Variants in OSBPL3 observed in about 807,000 individuals in gnomAD.
OSBPL3 encodes the protein oxysterol binding protein like 3.
Under a neutral mutation model 120.1 loss-of-function variants are expected in OSBPL3, and 65 were observed. The ratio of observed to expected loss-of-function variants is 0.54; its 90% confidence interval spans 0.44 to 0.67. The LOEUF (loss-of-function observed/expected upper bound fraction) is 0.67. OSBPL3 is among the 30% of genes least tolerant of loss of function. The pLI, the probability that OSBPL3 is intolerant of heterozygous loss-of-function variation, is 0.00. For missense variants in OSBPL3, 1,004 were observed against 1,082.1 expected (o/e 0.93, Z 1.01); for synonymous variants, 416 against 402.6 (o/e 1.03, Z -0.40).
intron 1 of OSBPL3, among the ~76,000 whole-genome samples, chr7:24,957,915 T>C (rs1251249614): frequency 6.6e-6 from 1 of 152,188 alleles, no homozygotes; most frequent in Non-Finnish European, 1.5e-5. Flanking sequence ...CACATTCTTT[T>C]TTCCATTTAA....
intron 12 of OSBPL3, 84 bp downstream of exon 12, chr7:24,848,985 C>A (rs1269304780): frequency 2.2e-6 from 2 of 912,254 alleles, no homozygotes; most frequent in East Asian, 4.9e-5. Context: ...TGAGGGGAAG[C>A]AGGGAGGTCG....
intron 1 of OSBPL3, among the ~76,000 whole-genome samples, chr7:24,931,516 GA>G (rs1811788010): frequency 6.6e-6 from 1 of 152,148 alleles, no homozygotes; most frequent in African/African-American, 2.4e-5. Context: ...GATGTGATGT[GA>G]AGCCATGAGC....
intron 1 of OSBPL3, among the ~76,000 whole-genome samples, chr7:24,943,570 G>A (rs538363717): frequency 5.3e-5 from 8 of 152,200 alleles, no homozygotes; most frequent in African/African-American, 1.2e-4. Flanking sequence ...GAAGAGTTCC[G>A]TTAAACTAGA....
chr7:24,879,894 A>G lies in OSBPL3; in HGVS notation c.97-7825T>C, dbSNP rs1042044318. Among the ~76,000 whole-genome samples, 1 of 152,236 alleles carries G rather than the reference A, an allele frequency of 6.6e-6. No individual in the cohort carries two copies. Among genetic ancestry groups the G allele is most frequent in the African/African-American group, 2.4e-5 (1 of 41,462 alleles). ...TTTAGGCCCCTCAGATATATTGGGA[A>G]GCCATTAATATTTGTTAAATATTCC... On this transcript the variant is annotated intron_variant, in intron 2 of 22. Coordinates refer to ENST00000313367, the MANE Select transcript of OSBPL3 (RefSeq NM_015550.4). The surrounding 1 kb of genome is among the most constrained non-coding windows in gnomAD (Gnocchi z 5.6).
Position 24,871,270 on chromosome 7 carries a change from G to C in OSBPL3, c.268-425C>G, listed in dbSNP as rs1562861666. On this transcript the variant is annotated intron_variant, in intron 4 of 22. Coordinates refer to ENST00000313367, the MANE Select transcript of OSBPL3 (RefSeq NM_015550.4). This position sits in a 1 kb window ranked among gnomAD's most constrained non-coding sequence, Gnocchi z 4.8. ...AGAGCAGAAGGCTGAGAGAGGACAG[G>C]AGAGGAAGAAGGGAGAAGAGTAGGA... 1.3e-5 allele frequency among the ~76,000 whole-genome samples: 2 copies of C among 152,312 alleles called. No homozygotes were observed. Among genetic ancestry groups the C allele is most frequent in the South Asian group, 4.1e-4 (2 of 4,826 alleles).
rs1202547044 is a variant in OSBPL3, at chr7:24,898,638, T to C, written c.-149-6017A>G. ...AACAGAAATGCACCTGGTGCATATT[T>C]GAAGCGTGCGGCTTCCATGAGACAA... On this transcript the variant is annotated intron_variant, in intron 1 of 22. Transcript: ENST00000313367. This position sits in a 1 kb window ranked among gnomAD's most constrained non-coding sequence, Gnocchi z 4.3. Among the ~76,000 whole-genome samples, 1 of 152,218 alleles carries C rather than the reference T, an allele frequency of 6.6e-6. No homozygotes were observed. Among genetic ancestry groups the C allele is most frequent in the Non-Finnish European group, 1.5e-5 (1 of 68,036 alleles).
chr7:24,979,846 G>GACACCCAGGCCCCCCT, intron 1 of OSBPL3, 40 bp downstream of exon 1: 1 of 978,788 alleles, frequency 1.0e-6, no homozygotes, highest in Non-Finnish European at 1.2e-6. Context: ...CAGGCCCCCC[G>GACACCCAGGCCCCCCT]ACACCCAGGC....
chr7:24,956,347 T>G (rs911693402), intron 1 of OSBPL3, among the ~76,000 whole-genome samples: 1 of 152,270 alleles, frequency 6.6e-6, no homozygotes, highest in African/African-American at 2.4e-5. Context: ...TGGATAGAAC[T>G]GTTTTATTCA....
intron 1 of OSBPL3, among the ~76,000 whole-genome samples, chr7:24,924,568 T>C (rs1183059889): frequency 6.6e-6 from 1 of 152,184 alleles, no homozygotes; most frequent in Non-Finnish European, 1.5e-5. Context: ...TATGGTGACA[T>C]TTACTTAGTA....
At position 24,797,192 on chromosome 7, in the gene OSBPL3, A is replaced by G. The variant is rs924779056; in HGVS notation, c.*2991T>C. On this transcript the variant is annotated 3_prime_UTR_variant, in exon 23 of 23. Transcript: ENST00000313367. The surrounding 1 kb of genome is among the most constrained non-coding windows in gnomAD (Gnocchi z 4.8). ...TAACAGTAGAACAAGATCACTCATGATAAATCTGGAAGATGCAGATGGAAG... is the reference window on the plus strand; with the variant it reads ...TAACAGTAGAACAAGATCACTCATGGTAAATCTGGAAGATGCAGATGGAAG... 1.3e-5 allele frequency: 2 copies of G among 152,250 alleles called. No homozygotes were observed. Among genetic ancestry groups the G allele is most frequent in the African/African-American group, 4.8e-5 (2 of 41,472 alleles). 9.4% of individuals were successfully genotyped at this position (152,250 alleles called of 1,614,324 possible).
At position 24,866,058 on chromosome 7, in the gene OSBPL3, AACACTC is replaced by A; in HGVS notation, c.549+6_549+11del. On this transcript the variant is annotated splice_donor_region_variant and intron_variant, in intron 6 of 22. Coordinates refer to ENST00000313367, the MANE Select transcript of OSBPL3 (RefSeq NM_015550.4). ...CCGTTCTCAGATTCATTATTGGCAA[AACACTC>A]ATTACCTTCCTACTTGAAATGGAGT... The A allele has an allele frequency of 6.2e-7, 1 of 1,608,244 alleles. No individual in the cohort carries two copies. The highest frequency in any genetic ancestry group is 8.5e-7 in the Non-Finnish European group (1 of 1,174,834).
At position 24,872,022 on chromosome 7, in the gene OSBPL3, G is replaced by A. The variant is rs1277456689; in HGVS notation, c.144C>T (p.Thr48=). Reference sequence around the variant, plus strand: ...ATCCTTTCTGAACTGGTGGCTCCTGGGTGTAATTCATCTCCCCCCTCAGTC... The same window carrying A: ...ATCCTTTCTGAACTGGTGGCTCCTGAGTGTAATTCATCTCCCCCCTCAGTC... ...VEGLRGEMNY[T]QEPPVQKGFL... The change falls in exon 3 of 23, where the codon ACC becomes ACT. Residue 48 remains threonine, a synonymous_variant. Transcript: ENST00000313367. This position sits in a 1 kb window ranked among gnomAD's most constrained non-coding sequence, Gnocchi z 4.1. 2 of 1,613,750 alleles carry A rather than the reference G, an allele frequency of 1.2e-6. No individual in the cohort carries two copies. The highest frequency in any genetic ancestry group is 1.7e-6 in the Non-Finnish European group (2 of 1,179,884).
Position 24,800,168 on chromosome 7 carries a change from T to G in OSBPL3, c.*15A>C. The G allele has an allele frequency of 6.9e-7, 1 of 1,454,974 alleles. No individual in the cohort carries two copies. Among genetic ancestry groups the G allele is most frequent in the Non-Finnish European group, 9.7e-7 (1 of 1,035,320 alleles). 90.1% of individuals were successfully genotyped at this position (1,454,974 alleles called of 1,614,324 possible). ...CAGGAGAAATACACTAATGTTATCTTTCTTCTTTACTTTTTCACCATAAGA... is the reference window on the plus strand; with the variant it reads ...CAGGAGAAATACACTAATGTTATCTGTCTTCTTTACTTTTTCACCATAAGA... On this transcript the variant is annotated 3_prime_UTR_variant, in exon 23 of 23. Coordinates refer to ENST00000313367, the MANE Select transcript of OSBPL3 (RefSeq NM_015550.4).
At chr7:24,858,551 A>G (rs900102390) in intron 10 of OSBPL3, among the ~76,000 whole-genome samples, 1 of 152,244 alleles carries the variant, frequency 6.6e-6, no homozygotes, top group African/African-American at 2.4e-5. Flanking sequence ...CTGTAAAACC[A>G]CAGGAATGAA....
At position 24,834,439 on chromosome 7, in the gene OSBPL3, C is replaced by T. The variant is rs1796749130; in HGVS notation, c.1746+47G>A. The T allele has an allele frequency of 6.4e-7, 1 of 1,572,032 alleles. No homozygotes were observed. Among genetic ancestry groups the T allele is most frequent in the African/African-American group, 1.4e-5 (1 of 73,862 alleles). ...ATGGGCCCCGTGAATGGCCTCGTGG[C>T]TTGGGGACCGAGGCTGGACAGTGGC... On this transcript the variant is annotated intron_variant, in intron 15 of 22. Coordinates refer to ENST00000313367, the MANE Select transcript of OSBPL3 (RefSeq NM_015550.4). The surrounding 1 kb of genome is among the most constrained non-coding windows in gnomAD (Gnocchi z 5.2).
rs961162390 is a variant in OSBPL3 at position 24,918,877 on chromosome 7, G to A, written c.-149-26256C>T. Among the ~76,000 whole-genome samples the A allele has an allele frequency of 3.3e-5, 5 of 152,170 alleles. No homozygotes were observed. The highest frequency in any genetic ancestry group is 1.2e-4 in the African/African-American group (5 of 41,442). ...AGAAAGCTTCTGCATCCATGAGAAG[G>A]GGATAGAAAAGGCAACAGACATAAA... On this transcript the variant is annotated intron_variant, in intron 1 of 22. Coordinates refer to ENST00000313367, the MANE Select transcript of OSBPL3 (RefSeq NM_015550.4). This position sits in a 1 kb window ranked among gnomAD's most constrained non-coding sequence, Gnocchi z 4.3.
At chr7:24,949,255 T>C (rs1447556229) in intron 1 of OSBPL3, among the ~76,000 whole-genome samples, 3 of 152,166 alleles carry the variant, frequency 2.0e-5, no homozygotes, top group South Asian at 2.1e-4. Flanking sequence ...ACCTACAGCA[T>C]AGCTTCACAG....
chr7:24,948,005 T>TA lies in OSBPL3; in HGVS notation c.-150+31880dup, dbSNP rs543396285. On this transcript the variant is annotated intron_variant, in intron 1 of 22. Coordinates refer to ENST00000313367, the MANE Select transcript of OSBPL3 (RefSeq NM_015550.4). ...TCATTTCTAAATCTTTTTCAAGAAATAAAAAAATCAAACTAAGACGACCTA... is the reference window on the plus strand; with the variant it reads ...TCATTTCTAAATCTTTTTCAAGAAATAAAAAAAATCAAACTAAGACGACCTA... Among the ~76,000 whole-genome samples the TA allele has an allele frequency of 2.2e-4, 34 of 152,152 alleles. No homozygotes were observed. The East Asian group carries it at 5.2e-3, about 23-fold the overall frequency.
chr7:24,942,774 G>A (rs1302956207), intron 1 of OSBPL3, among the ~76,000 whole-genome samples: 1 of 152,166 alleles, frequency 6.6e-6, no homozygotes, highest in Non-Finnish European at 1.5e-5. Flanking sequence ...CAAAAACACT[G>A]ATATTTTTGC....
Sources: allele counts gnomAD v4.1 joint callset (sites outside exome capture counted in the v4.1 genomes callset), GRCh38; gene constraint gnomAD v4.1.1; non-coding constraint Gnocchi (gnomAD v3.1); transcripts MANE v1.5; gene names NCBI Gene and HGNC (gene_info 2026-07-23, HGNC 2026-07-21).